Variants in PRDM1 observed in about 807,000 individuals in gnomAD.
The protein encoded by PRDM1 is PR/SET domain 1, also known as PR domain zinc finger protein 1.
PRDM1 carries 13 observed loss-of-function variants against 62.8 expected under a neutral mutation model. The ratio of observed to expected loss-of-function variants is 0.21; its 90% CI spans 0.13 to 0.33. PRDM1 has a LOEUF of 0.33. Ranked by LOEUF, PRDM1 falls within the 10% of genes least tolerant of loss-of-function variation. PRDM1 has a pLI of 1.00. For missense variants in PRDM1, 895 were observed against 1,058.8 expected (o/e 0.85, Z 2.15); for synonymous variants, 396 against 417.6 (o/e 0.95, Z 0.63).
intron 1 of PRDM1, among the ~76,000 whole-genome samples, chr6:106,053,453 GA>G (rs532231755): frequency 6.6e-6 from 1 of 151,576 alleles, no homozygotes; most frequent in Non-Finnish European, 1.5e-5. Flanking sequence ...GTTTTAAAAA[GA>G]AAAAACACAG....
At chr6:106,069,828 G>A (rs1200440620) in intron 1 of PRDM1, among the ~76,000 whole-genome samples, 1 of 152,168 alleles carries the variant, frequency 6.6e-6, no homozygotes, top group Non-Finnish European at 1.5e-5. Flanking sequence ...GAGGAGAATG[G>A]GAAATGAGGA....
Position 106,108,521 on chromosome 6 carries a change from CTTTTTTTTT to C in PRDM1, c.*1048_*1056del. The stretch of plus-strand genomic sequence containing the variant: ...GGTGTTTTGTTGTTGGTTTTTGTTG[CTTTTTTTTT>C]TTTTTTTTTTTTAATGTCAAAATTG... On this transcript the variant is annotated 3_prime_UTR_variant, in exon 7 of 7. Transcript: ENST00000369096. 6.9e-6 allele frequency: 1 copy of C among 144,852 alleles called. No homozygotes were observed. The highest frequency in any genetic ancestry group is 1.2e-5 in the Non-Finnish European group (1 of 83,354). The allele number at this position is 144,852 out of a possible 1,614,324, so 9.0% of individuals were successfully genotyped here.
At chr6:106,087,998 T>TAA in intron 1 of PRDM1, 1 of 221,110 alleles carries the variant, frequency 4.5e-6, no homozygotes, top group South Asian at 1.7e-4. Context: ...TTTTTTTTTT[T>TAA]TTAACTAAGA....
At chr6:106,065,517 C>G (rs1773418941) in intron 1 of PRDM1, among the ~76,000 whole-genome samples, 1 of 152,050 alleles carries the variant, frequency 6.6e-6, no homozygotes, top group Admixed American at 6.5e-5. Context: ...TTCACTTTTT[C>G]TTATGTGTAT....
At position 105,994,789 on chromosome 6, in the gene PRDM1, G is replaced by A. The variant is rs1345677555; in HGVS notation, c.-67+1150G>A. ...ATCTTCTTGGAGCAGATTCCGCGGC[G>A]GGGATGGCTGGGTGTGCAAACCGAA... On this transcript the variant is annotated intron_variant, in intron 1 of 6. Coordinates refer to the PRDM1 transcript ENST00000652320. This position sits in a 1 kb window ranked among gnomAD's most constrained non-coding sequence, Gnocchi z 4.1. 1.3e-5 allele frequency among the ~76,000 whole-genome samples: 2 copies of A among 152,208 alleles called. No individual in the cohort carries two copies. The highest frequency in any genetic ancestry group is 2.9e-5 in the Non-Finnish European group (2 of 68,038).
chr6:106,046,130 C>A (rs1003744084), upstream of PRDM1: 1 of 152,164 alleles, frequency 6.6e-6, no homozygotes, highest in African/African-American at 2.4e-5. Flanking sequence ...AAAAAAACCA[C>A]CACCAAAGAA....
rs17066588 is a variant in PRDM1 at position 106,105,017 on chromosome 6, G to C, written c.857G>C (p.Arg286Pro). The part of the protein sequence containing the change: ...SEKDLDDFRR[R>P]GSPEMPFYPR... ...AAGGACCTCGATGACTTTAGAAGAC[G>C]TGGGAGCCCCGAAATGCCCTTCTAC... Residue 286 changes from arginine (R) to proline (P), a missense_variant, in exon 5 of 7, where the codon CGT (arginine) becomes CCT (proline). Transcript: ENST00000369096. The C allele has an allele frequency of 5.7e-3, 9,238 of 1,614,046 alleles. 140 individuals carry two copies. Among genetic ancestry groups the C allele is most frequent in the African/African-American group, 0.047 (3,554 of 74,970 alleles).
intron 1 of PRDM1, among the ~76,000 whole-genome samples, chr6:106,020,612 G>A (rs546247333): frequency 5.5e-4 from 83 of 152,200 alleles, no homozygotes; most frequent in Middle Eastern, 6.8e-3. Flanking sequence ...TCCAGTCCAC[G>A]TCTACAAAAC....
At chr6:106,069,926 C>A (rs1191905611) in intron 1 of PRDM1, among the ~76,000 whole-genome samples, 1 of 152,152 alleles carries the variant, frequency 6.6e-6, no homozygotes, top group East Asian at 1.9e-4. Flanking sequence ...TTAACTGATG[C>A]TAGAAGGAAG....
chr6:106,095,994 A>G (rs1431021439), intron 3 of PRDM1: 1 of 368,726 alleles, frequency 2.7e-6, no homozygotes, highest in East Asian at 4.3e-5. Flanking sequence ...TTGTAATGAA[A>G]GGAAACAGTT....
At chr6:106,024,141 CAAAAAAA>C (rs146834924) in intron 1 of PRDM1, among the ~76,000 whole-genome samples, 6 of 149,530 alleles carry the variant, frequency 4.0e-5, no homozygotes, top group Non-Finnish European at 5.9e-5. Context: ...GACCGTGTCT[CAAAAAAA>C]AAATTGAATC....
chr6:106,081,051 C>CATTA (rs1773686295), intron 1 of PRDM1, among the ~76,000 whole-genome samples: 1 of 152,190 alleles, frequency 6.6e-6, no homozygotes, highest in Admixed American at 6.5e-5. Flanking sequence ...CCTTAGTCAA[C>CATTA]ATTAGAGAGT....
Position 106,107,673 on chromosome 6 carries a change from A to T in PRDM1, c.*187A>T. 1 of 189,844 alleles carries T rather than the reference A, an allele frequency of 5.3e-6. No individual in the cohort carries two copies. 11.8% of individuals were successfully genotyped at this position (189,844 alleles called of 1,614,324 possible). A position where few individuals can be genotyped will look rare whatever the true frequency, so the allele number is the denominator to read the frequency against. ...AAATCTCAGGGCATGAACAAGGCAA[A>T]GGCCATATATATATATATATATATA... On this transcript the variant is annotated 3_prime_UTR_variant, in exon 7 of 7. Coordinates refer to ENST00000369096, the MANE Select transcript of PRDM1 (RefSeq NM_001198.4).
chr6:106,084,756 CTT>C (rs1459227090), upstream of PRDM1, among the ~76,000 whole-genome samples: 1 of 152,162 alleles, frequency 6.6e-6, no homozygotes, highest in Non-Finnish European at 1.5e-5. Flanking sequence ...TCTGAGGACT[CTT>C]AGGAATTGTT....
Position 106,086,415 on chromosome 6 carries a change from G to A in PRDM1, c.-139G>A. ...AGAGCAGCGACCGCGGCACCTGTCC[G>A]CCCGGAGCTGGGACGCGGGCGCCCG... On this transcript the variant is annotated 5_prime_UTR_variant, in exon 1 of 7. Coordinates refer to ENST00000369096, the MANE Select transcript of PRDM1 (RefSeq NM_001198.4). The A allele has an allele frequency of 1.4e-6, 1 of 691,720 alleles. No homozygotes were observed. The highest frequency in any genetic ancestry group is 2.4e-6 in the Non-Finnish European group (1 of 411,110). 42.8% of individuals were successfully genotyped at this position (691,720 alleles called of 1,614,324 possible). A position where few individuals can be genotyped will look rare whatever the true frequency, so the allele number is the denominator to read the frequency against.
At chr6:106,069,880 A>G (rs1465646446) in intron 1 of PRDM1, among the ~76,000 whole-genome samples, 2 of 152,218 alleles carry the variant, frequency 1.3e-5, no homozygotes, top group Non-Finnish European at 2.9e-5. Context: ...TCACCTTAAA[A>G]AAAGGTCTCT....
At chr6:106,038,012 G>GTTTTTTTTTTTTTT (rs1302119750) in intron 1 of PRDM1, among the ~76,000 whole-genome samples, 2 of 20,520 alleles carry the variant, frequency 9.7e-5, no homozygotes, top group Non-Finnish European at 1.9e-4. Flanking sequence ...TGCTATTTTT[G>GTTTTTTTTTTTTTT]TCTTTTTTTT....
chr6:106,047,336 A>G (rs1474976716), upstream of PRDM1, among the ~76,000 whole-genome samples: 1 of 152,238 alleles, frequency 6.6e-6, no homozygotes, highest in African/African-American at 2.4e-5. Flanking sequence ...CAGTCAGAGA[A>G]GTAATTAATT....
intron 1 of PRDM1, among the ~76,000 whole-genome samples, chr6:106,071,573 C>T (rs1185540615): frequency 6.6e-6 from 1 of 152,146 alleles, no homozygotes; most frequent in Admixed American, 6.5e-5. Flanking sequence ...ACAGTATTCA[C>T]TCATAACTGG....
Sources: allele counts gnomAD v4.1 joint callset (sites outside exome capture counted in the v4.1 genomes callset), GRCh38; gene constraint gnomAD v4.1.1; non-coding constraint Gnocchi (gnomAD v3.1); transcripts MANE v1.5; gene names NCBI Gene and HGNC (gene_info 2026-07-23, HGNC 2026-07-21).